The following LDB2 variants were observed in gnomAD, a reference collection of about 807,000 sequenced individuals.
LDB2 encodes LIM domain binding 2.
LDB2 carries 12 observed loss-of-function variants against 44.3 expected under a neutral mutation model. The observed-to-expected ratio is 0.27, with a 90% CI of 0.17 to 0.44. The LOEUF (loss-of-function observed/expected upper bound fraction) is 0.44, where lower values mean the gene tolerates loss of function less well. Among genes scored for constraint, LDB2 ranks in the 20% least tolerant of loss-of-function variants. LDB2 has a pLI of 1.00. For synonymous variants in LDB2, 164 were observed against 174.8 expected (o/e 0.94, Z 0.49); for missense variants, 344 against 473.5 (o/e 0.73, Z 2.54).
intron 2 of LDB2, among the ~76,000 whole-genome samples, chr4:16,598,119 G>T (rs548978797): frequency 2.0e-5 from 3 of 152,244 alleles, no homozygotes; most frequent in Admixed American, 2.0e-4. Flanking sequence ...CATGACAATG[G>T]TATTCACGCC....
intron 1 of LDB2, among the ~76,000 whole-genome samples, chr4:16,855,206 G>A (rs1465005784): frequency 6.6e-6 from 1 of 152,072 alleles, no homozygotes; most frequent in Non-Finnish European, 1.5e-5. Context: ...TGTTGACACT[G>A]CACTGAGAGT....
At chr4:16,722,605 A>G (rs558301) in intron 2 of LDB2, among the ~76,000 whole-genome samples, 60,749 of 151,646 alleles carry the variant, frequency 0.4, 12,248 homozygotes, top group Admixed American at 0.44. Context: ...CGTATCCTAA[A>G]TGAGGTGAGT....
intron 2 of LDB2, among the ~76,000 whole-genome samples, chr4:16,715,590 T>A (rs1440969523): frequency 6.6e-6 from 1 of 152,180 alleles, no homozygotes; most frequent in Non-Finnish European, 1.5e-5. Flanking sequence ...CCTTATCCAT[T>A]TTTCCTCTGT....
intron 7 of LDB2, among the ~76,000 whole-genome samples, chr4:16,503,318 G>A (rs1011140025): frequency 9.9e-5 from 15 of 152,078 alleles, no homozygotes; most frequent in African/African-American, 1.7e-4. Flanking sequence ...GGAGACACAC[G>A]TAAGGTGCAA....
intron 1 of LDB2, among the ~76,000 whole-genome samples, chr4:16,893,321 C>T (rs1336028029): frequency 6.6e-6 from 1 of 150,596 alleles, no homozygotes; most frequent in East Asian, 2.0e-4. Context: ...GGGGGAGAAA[C>T]CTCCAAGTTA....
intron 5 of LDB2, among the ~76,000 whole-genome samples, chr4:16,531,256 A>G (rs1041219941): frequency 1.3e-5 from 2 of 152,244 alleles, no homozygotes; most frequent in African/African-American, 4.8e-5. Context: ...ATTAAACAGC[A>G]TGTTGCCAAG....
intron 1 of LDB2, among the ~76,000 whole-genome samples, chr4:16,778,916 C>T (rs1157849216): frequency 6.6e-6 from 1 of 152,170 alleles, no homozygotes; most frequent in Non-Finnish European, 1.5e-5. Context: ...TTTAAGGGCC[C>T]TTCCAGTTCT....
At chr4:16,512,693 C>T (rs1000565489) in intron 5 of LDB2, among the ~76,000 whole-genome samples, 10 of 152,154 alleles carry the variant, frequency 6.6e-5, no homozygotes, top group African/African-American at 2.4e-4. Flanking sequence ...TTCATGTACT[C>T]ATCTGTATTT....
intron 1 of LDB2, among the ~76,000 whole-genome samples, chr4:16,804,479 C>T (rs1423162287): frequency 1.3e-5 from 2 of 152,244 alleles, no homozygotes; most frequent in Admixed American, 6.5e-5. Context: ...ATATATGCTA[C>T]TTTATTGTGT....
intron 1 of LDB2, among the ~76,000 whole-genome samples, chr4:16,813,076 C>T (rs529474914): frequency 6.6e-6 from 1 of 152,100 alleles, no homozygotes; most frequent in South Asian, 2.1e-4. Context: ...CAGCTCACTG[C>T]AACCTTCCCC....
chr4:16,630,975 A>G (rs1057190719), intron 2 of LDB2, among the ~76,000 whole-genome samples: 2 of 152,164 alleles, frequency 1.3e-5, no homozygotes, highest in African/African-American at 2.4e-5. Flanking sequence ...TTAGACTCCC[A>G]CACAATAATA....
intron 1 of LDB2, among the ~76,000 whole-genome samples, chr4:16,854,286 C>A (rs1019851497): frequency 5.9e-5 from 9 of 151,932 alleles, no homozygotes; most frequent in African/African-American, 2.2e-4. Flanking sequence ...ATAAAGTTTA[C>A]TTTTAAAAAT....
intron 5 of LDB2, among the ~76,000 whole-genome samples, chr4:16,556,528 A>C (rs1428066864): frequency 1.3e-5 from 2 of 152,220 alleles, no homozygotes; most frequent in African/African-American, 4.8e-5. Context: ...TAAGTATGTC[A>C]AAGGTATTTT....
chr4:16,812,585 TATA>T (rs1780088296), intron 1 of LDB2, among the ~76,000 whole-genome samples: 4 of 4,724 alleles, frequency 8.5e-4, no homozygotes, highest in South Asian at 0.25. Context: ...AATGAAATTA[TATA>T]TATATATATA....
chr4:16,560,418 A>G (rs1741641975), intron 5 of LDB2, among the ~76,000 whole-genome samples: 2 of 152,230 alleles, frequency 1.3e-5, no homozygotes, highest in South Asian at 4.1e-4. Context: ...ACAAACTACC[A>G]TCAGAGAATA....
chr4:16,705,056 C>G (rs1754316001), intron 2 of LDB2, among the ~76,000 whole-genome samples: 1 of 152,046 alleles, frequency 6.6e-6, no homozygotes, highest in African/African-American at 2.4e-5. Context: ...CCCCATGTCT[C>G]TAATAAGAAT....
intron 1 of LDB2, among the ~76,000 whole-genome samples, chr4:16,889,921 G>T (rs1260433301): frequency 6.6e-6 from 1 of 152,188 alleles, no homozygotes; most frequent in Non-Finnish European, 1.5e-5. Flanking sequence ...GCTCAGTACA[G>T]GACCTCCTAA....
intron 5 of LDB2, among the ~76,000 whole-genome samples, chr4:16,585,637 C>A (rs796486762): frequency 1.3e-5 from 2 of 152,170 alleles, no homozygotes; most frequent in African/African-American, 4.8e-5. Flanking sequence ...AGGGAAGCAG[C>A]CACAAAGCAT....
intron 1 of LDB2, among the ~76,000 whole-genome samples, chr4:16,815,127 G>T (rs1392901110): frequency 6.6e-6 from 1 of 152,194 alleles, no homozygotes; most frequent in Admixed American, 6.5e-5. Context: ...GCAAGTCCAA[G>T]GCAAAGTATT....
Sources: gnomAD v4.1 joint callset for allele counts (sites outside exome capture counted in the v4.1 genomes callset) on GRCh38, gnomAD v4.1.1 for gene constraint, MANE v1.5 for transcripts, NCBI Gene and HGNC (gene_info 2026-07-23, HGNC 2026-07-21) for gene names.